ZPR1: variants seen among roughly 807,000 people sequenced by gnomAD.
ZPR1 encodes zinc finger protein ZPR1.
In ZPR1, 37 loss-of-function variants were observed where a neutral mutation model predicts 59.6. The ratio of observed to expected loss-of-function variants is 0.62; its 90% CI spans 0.48 to 0.82. The LOEUF (loss-of-function observed/expected upper bound fraction) is 0.82. Ranked by LOEUF, ZPR1 falls within the 40% of genes least tolerant of loss-of-function variation. ZPR1 has a pLI of 0.00. For synonymous variants in ZPR1, 191 were observed against 215.2 expected, an observed-to-expected ratio of 0.89 and a Z score of 0.99; for missense variants, 527 against 579.9, an observed-to-expected ratio of 0.91 and a Z score of 0.94.
chr11:116,779,008 G>T lies in ZPR1; in HGVS notation c.1297C>A (p.Arg433Ser). 1 of 1,614,122 alleles carries T rather than the reference G, an allele frequency of 6.2e-7. No homozygotes were observed. The highest frequency in any genetic ancestry group is 8.5e-7 in the Non-Finnish European group (1 of 1,180,028). Residue 433 changes from arginine to serine, a missense_variant, in exon 14 of 14, where the codon CGC (arginine) becomes AGC (serine). Arg to Ser is a moderately radical substitution (Grantham distance 110, BLOSUM62 -1). Coordinates refer to ENST00000227322, the MANE Select transcript of ZPR1 (RefSeq NM_003904.5). ...DPEMKVERYK[R>S]TFDQNEELGL... ...AGCTCCTCATTTTGGTCAAAGGTGC[G>T]CTTGTAACGCTCCACCTTCATCTCA...
chr11:116,774,743 C>T lies in ZPR1; in HGVS notation c.*4182G>A, dbSNP rs1237731059. The T allele has an allele frequency of 1.3e-5, 2 of 152,284 alleles. No individual in the cohort carries two copies. Among genetic ancestry groups the T allele is most frequent in the African/African-American group, 4.8e-5 (2 of 41,430 alleles). 9.4% of individuals were successfully genotyped at this position (152,284 alleles called of 1,614,324 possible). A position where few individuals can be genotyped will look rare whatever the true frequency, so the allele number is the denominator to read the frequency against. On this transcript the variant is annotated 3_prime_UTR_variant, in exon 14 of 14. Coordinates refer to ENST00000227322, the MANE Select transcript of ZPR1 (RefSeq NM_003904.5). ...CTAGGCGGAGGGCCCCAGGGTACCCCATACACAAGCCTGCCTTGGCTTCTC... is the reference window on the plus strand; with the variant it reads ...CTAGGCGGAGGGCCCCAGGGTACCCTATACACAAGCCTGCCTTGGCTTCTC...
rs1180198497 is a variant in ZPR1, at chr11:116,774,727, G to A, written c.*4198C>T. The A allele has an allele frequency of 6.6e-6, 1 of 152,276 alleles. No individual in the cohort carries two copies. Among genetic ancestry groups the A allele is most frequent in the Non-Finnish European group, 1.5e-5 (1 of 68,122 alleles). The allele number at this position is 152,276 out of a possible 1,614,324, so 9.4% of individuals were successfully genotyped here. ...AGAAGATAGGGCTTCACTAGGCGGA[G>A]GGCCCCAGGGTACCCCATACACAAG... On this transcript the variant is annotated 3_prime_UTR_variant, in exon 14 of 14. Coordinates refer to ENST00000227322, the MANE Select transcript of ZPR1 (RefSeq NM_003904.5).
chr11:116,784,647 C>T, intron 8 of ZPR1, 199 bp from the exon 9 acceptor site: 1 of 816,144 alleles, frequency 1.2e-6, no homozygotes, highest in East Asian at 2.7e-5. Flanking sequence ...GAAGGCATGG[C>T]TCAGGTCACA....
chr11:116,784,967 T>A, intron 7 of ZPR1, 46 bp from the exon 8 acceptor site: 2 of 1,611,604 alleles, frequency 1.2e-6, no homozygotes, highest in Non-Finnish European at 1.7e-6. Flanking sequence ...CCAGATGGGA[T>A]GTTCAGGCTA....
At chr11:116,784,763 T>A (rs1940858983) in intron 8 of ZPR1, 92 bp downstream of exon 8, 3 of 1,279,240 alleles carry the variant, frequency 2.3e-6, no homozygotes, top group South Asian at 1.2e-5. Flanking sequence ...GTATAAAGCA[T>A]GTGTTTTCCT....
chr11:116,786,938 A>C (rs1940896624), intron 3 of ZPR1, 31 bp downstream of exon 3: 1 of 1,581,180 alleles, frequency 6.3e-7, no homozygotes, highest in Non-Finnish European at 8.7e-7. Context: ...GCTACATGCG[A>C]ACAGCCCAAA....
Position 116,776,142 on chromosome 11 carries a change from C to T in ZPR1, c.*2783G>A, listed in dbSNP as rs11602073. ...TACATTCAGTACCTACCTGTATGTTCGTCCACACGTCTAATGACCGAACAT... is the reference window on the plus strand; with the variant it reads ...TACATTCAGTACCTACCTGTATGTTTGTCCACACGTCTAATGACCGAACAT... On this transcript the variant is annotated 3_prime_UTR_variant, in exon 14 of 14. Transcript: ENST00000227322. The T allele has an allele frequency of 0.094, 14,255 of 152,302 alleles. 950 individuals are homozygous for T. Among genetic ancestry groups the T allele is most frequent in the South Asian group, 0.25 (1,227 of 4,824 alleles). The allele number at this position is 152,302 out of a possible 1,614,324, so 9.4% of individuals were successfully genotyped here.
rs763236188 is a variant in ZPR1, at chr11:116,776,297, CAT to C, written c.*2626_*2627del. ...ACTCATGGCTGTGAAACTGAATCCA[CAT>C]GTTCCTGGCACTTTGACTCACCTAC... On this transcript the variant is annotated 3_prime_UTR_variant, in exon 14 of 14. Transcript: ENST00000227322. 4 of 152,256 alleles carry C rather than the reference CAT, an allele frequency of 2.6e-5. No homozygotes were observed. The highest frequency in any genetic ancestry group is 4.8e-5 in the African/African-American group (2 of 41,472). 9.4% of individuals were successfully genotyped at this position (152,256 alleles called of 1,614,324 possible). A position where few individuals can be genotyped will look rare whatever the true frequency, so the allele number is the denominator to read the frequency against.
intron 3 of ZPR1, 148 bp downstream of exon 3, chr11:116,786,821 C>T: frequency 1.3e-6 from 1 of 757,444 alleles, no homozygotes. Context: ...CTAAGCTTTC[C>T]ACTCATGATT....
rs759488182 is a variant in ZPR1 at position 116,785,164 on chromosome 11, C to G, written c.706-18G>C. The G allele has an allele frequency of 1.9e-6, 3 of 1,613,646 alleles. No individual in the cohort carries two copies. In the Admixed American group the frequency reaches 5.0e-5, roughly 27 times the overall value. ...GCTTCTTCCTAAAATAGCAAAGATG[C>G]AGGTCGCAAGTTGGCAGGTATACCT... is the stretch of plus-strand genomic sequence containing the variant. On this transcript the variant is annotated intron_variant, in intron 6 of 13. Transcript: ENST00000227322.
chr11:116,784,917 A>C lies in ZPR1; in HGVS notation c.758T>G (p.Leu253Arg). The C allele has an allele frequency of 6.2e-7, 1 of 1,614,144 alleles. No individual in the cohort carries two copies. The highest frequency in any genetic ancestry group is 8.5e-7 in the Non-Finnish European group (1 of 1,180,018). The change falls in exon 8 of 14, where the codon CTC (leucine) becomes CGC (arginine). Residue 253 changes from leucine to arginine, a missense_variant. By Grantham distance (102) the Leu-to-Arg change is moderately radical (BLOSUM62 -2). Transcript: ENST00000227322. The stretch of plus-strand genomic sequence containing the variant: ...TTCTGGGCAGTTTGTGCTGAACTGG[A>C]GCACCTGGAACACAACATGAGGACA... The part of the protein sequence containing the change: ...PEEEDLRNEV[L>R]QFSTNCPECN...
chr11:116,783,147 T>C (rs1940833970), intron 10 of ZPR1, 118 bp from the exon 11 acceptor site: 2 of 707,352 alleles, frequency 2.8e-6, no homozygotes, highest in Admixed American at 2.4e-5. Context: ...CTGTCTCAGT[T>C]TTCTCTGACT....
At chr11:116,785,985 A>C in intron 4 of ZPR1, 103 bp from the exon 5 acceptor site, 9 of 985,968 alleles carry the variant, frequency 9.1e-6, no homozygotes, top group Middle Eastern at 2.1e-4. Context: ...CACCTATCTC[A>C]GTGTGAGTGG....
chr11:116,785,497 T>C lies in ZPR1; in HGVS notation c.705+17A>G. On this transcript the variant is annotated intron_variant, in intron 6 of 13. Transcript: ENST00000227322. ...GATAATTCCAGAGCATTCTTCTGGA[T>C]CCTTCAGTCCACTTACTTGAAGCCC... is the stretch of plus-strand genomic sequence containing the variant. 6.2e-7 allele frequency: 1 copy of C among 1,612,208 alleles called. No individual in the cohort carries two copies. The highest frequency in any genetic ancestry group is 1.1e-5 in the South Asian group (1 of 90,932).
Position 116,774,172 on chromosome 11 carries a change from C to T in ZPR1, c.*4753G>A, listed in dbSNP as rs1940690594. ...ATAATTATACATTGTGTAATGATTA[C>T]CAAAATCAAATTAAGTAAAACATCC... On this transcript the variant is annotated 3_prime_UTR_variant, in exon 14 of 14. Transcript: ENST00000227322. The T allele has an allele frequency of 6.6e-6, 1 of 152,016 alleles. No individual in the cohort carries two copies. Among genetic ancestry groups the T allele is most frequent in the Non-Finnish European group, 1.5e-5 (1 of 68,006 alleles). The allele number at this position is 152,016 out of a possible 1,614,324, so 9.4% of individuals were successfully genotyped here. A position where few individuals can be genotyped will look rare whatever the true frequency, so the allele number is the denominator to read the frequency against.
At chr11:116,780,397 A>G (rs1049589380) in intron 12 of ZPR1, among the ~76,000 whole-genome samples, 1 of 150,964 alleles carries the variant, frequency 6.6e-6, no homozygotes, top group Admixed American at 6.6e-5. Flanking sequence ...CTGCCAGCCA[A>G]GCCTTTACCC....
chr11:116,787,947 G>C lies in ZPR1; in HGVS notation c.44C>G (p.Ala15Gly). 6.8e-7 allele frequency: 1 copy of C among 1,465,470 alleles called. No homozygotes were observed. Among genetic ancestry groups the C allele is most frequent in the Non-Finnish European group, 9.0e-7 (1 of 1,117,048 alleles). The allele number at this position is 1,465,470 out of a possible 1,614,324, so 90.8% of individuals were successfully genotyped here. A position where few individuals can be genotyped will look rare whatever the true frequency, so the allele number is the denominator to read the frequency against. The change falls in exon 1 of 14, where the codon GCC becomes GGC. Residue 15 changes from alanine (A) to glycine (G), a missense_variant. Transcript: ENST00000227322. ...GAVEPGPPGA[A>G]VAPSPAPAPP... ...GGCCGGGGCGGGCGACGGGGCGACG[G>C]CAGCCCCCGGGGGCCCTGGTTCCAC...
At position 116,784,819 on chromosome 11, in the gene ZPR1, A is replaced by C. The variant is rs191595566; in HGVS notation, c.820+36T>G. ...TGATTATAATCTTCATGCCTGAGTCAGATGAAGAGCAACCCAACTGCTTGG... is the reference window on the plus strand; with the variant it reads ...TGATTATAATCTTCATGCCTGAGTCCGATGAAGAGCAACCCAACTGCTTGG... On this transcript the variant is annotated intron_variant, in intron 8 of 13. Transcript: ENST00000227322. The C allele has an allele frequency of 6.2e-4, 996 of 1,604,994 alleles. 2 individuals carry two copies. The African/African-American group carries it at 8.3e-3, about 13-fold the overall frequency.
chr11:116,779,083 C>T (rs1412089870), intron 13 of ZPR1, 24 bp from the exon 14 acceptor site: 1 of 1,612,878 alleles, frequency 6.2e-7, no homozygotes, highest in Non-Finnish European at 8.5e-7. Flanking sequence ...GAGAGACAAT[C>T]AGTGCCGCTG....
Sources: gnomAD v4.1 joint callset for allele counts (sites outside exome capture counted in the v4.1 genomes callset) on GRCh38, gnomAD v4.1.1 for gene constraint, MANE v1.5 for transcripts, NCBI Gene and HGNC (gene_info 2026-07-23, HGNC 2026-07-21) for gene names.